The following ASTN1 variants were observed in gnomAD, a reference collection of about 807,000 sequenced individuals.
ASTN1 encodes the protein astrotactin-1.
A neutral mutation model predicts 140.7 loss-of-function variants in ASTN1; 41 were observed. The observed-to-expected ratio is 0.29, with a 90% CI of 0.23 to 0.38. The LOEUF is 0.38. Among genes scored for constraint, ASTN1 ranks in the 10% least tolerant of loss-of-function variants. The probability of loss-of-function intolerance (pLI) is 1.00; values close to 1 mark genes in which losing one functional copy is unlikely to be tolerated. For synonymous variants in ASTN1, 640 were observed against 652.2 expected (o/e 0.98, Z 0.29); for missense variants, 1,479 against 1,678.8 (o/e 0.88, Z 2.08).
chr1:177,153,460 A>T (rs1683123503), intron 1 of ASTN1, among the ~76,000 whole-genome samples: 1 of 152,182 alleles, frequency 6.6e-6, no homozygotes, highest in Admixed American at 6.5e-5. Context: ...AAATGGATGA[A>T]GACACCAGCT....
intron 8 of ASTN1, among the ~76,000 whole-genome samples, chr1:176,997,693 C>A (rs1041697714): frequency 2.6e-5 from 4 of 152,054 alleles, no homozygotes; most frequent in Admixed American, 1.3e-4. Context: ...TAAGCCCTTG[C>A]TCCAAAGTTA....
At chr1:177,089,439 AAG>A (rs959935688) in intron 1 of ASTN1, among the ~76,000 whole-genome samples, 28 of 152,176 alleles carry the variant, frequency 1.8e-4, no homozygotes, top group African/African-American at 4.8e-4. Context: ...GAAATAGAAA[AAG>A]AGAGAGAGAG....
intron 1 of ASTN1, among the ~76,000 whole-genome samples, chr1:177,071,778 A>G (rs776207883): frequency 1.1e-4 from 17 of 152,262 alleles, no homozygotes; most frequent in Non-Finnish European, 1.8e-4. Context: ...AATTGCCATA[A>G]TGGGGGCTGG....
chr1:176,890,204 T>C (rs1219129729), intron 17 of ASTN1, among the ~76,000 whole-genome samples: 1 of 152,182 alleles, frequency 6.6e-6, no homozygotes, highest in Admixed American at 6.5e-5. Flanking sequence ...CACCTGTGGT[T>C]AGAACCTCAA....
intron 21 of ASTN1, among the ~76,000 whole-genome samples, chr1:176,869,706 C>G (rs967637510): frequency 2.0e-5 from 3 of 152,136 alleles, no homozygotes; most frequent in African/African-American, 7.2e-5. Context: ...CATGATTGGT[C>G]TGAGTGTGTT....
At chr1:176,957,999 C>A (rs1672489068) in intron 10 of ASTN1, among the ~76,000 whole-genome samples, 171 bp from the exon 11 acceptor site, 1 of 152,194 alleles carries the variant, frequency 6.6e-6, no homozygotes, top group African/African-American at 2.4e-5. Context: ...GATGGGCATT[C>A]TCCGTATCTA....
chr1:176,952,928 A>G (rs527859692), intron 11 of ASTN1, among the ~76,000 whole-genome samples: 71 of 152,320 alleles, frequency 4.7e-4, no homozygotes, highest in African/African-American at 1.6e-3. Context: ...TATAAACTAC[A>G]GGCTTAAGAA....
At chr1:177,045,423 A>G (rs563761079) in intron 2 of ASTN1, among the ~76,000 whole-genome samples, 24 of 152,326 alleles carry the variant, frequency 1.6e-4, no homozygotes, top group African/African-American at 5.3e-4. Flanking sequence ...TTACGTTCAC[A>G]CTATTGGTCA....
chr1:177,022,223 A>G (rs574268449), intron 7 of ASTN1, among the ~76,000 whole-genome samples: 14 of 152,250 alleles, frequency 9.2e-5, no homozygotes, highest in Admixed American at 3.3e-4. Context: ...GCACCTGAAG[A>G]AGATGCGAGT....
Position 177,150,033 on chromosome 1 carries a change from T to C in ASTN1, c.283+14361A>G, listed in dbSNP as rs1682959359. Among the ~76,000 whole-genome samples the C allele has an allele frequency of 2.6e-5, 4 of 151,714 alleles. No homozygotes were observed. In the South Asian group the frequency reaches 6.2e-4, roughly 24 times the overall value. ...CTACTTAGAAGTTGCTCAAAATACA[T>C]TGGAAATTGGAGGCAAGAAAGTAAG... On this transcript the variant is annotated intron_variant, in intron 1 of 22. Transcript: ENST00000361833.
At chr1:176,932,802 G>A (rs535214818) in intron 16 of ASTN1, among the ~76,000 whole-genome samples, 6 of 152,182 alleles carry the variant, frequency 3.9e-5, no homozygotes, top group Admixed American at 6.5e-5. Flanking sequence ...GGAGCTCTTG[G>A]TAGGGTCAGA....
At chr1:177,041,252 T>C (rs1676956270) in intron 2 of ASTN1, among the ~76,000 whole-genome samples, 3 of 152,174 alleles carry the variant, frequency 2.0e-5, no homozygotes, top group Admixed American at 2.0e-4. Flanking sequence ...CCTCTGGATG[T>C]AGACGTAATA....
chr1:177,024,699 G>A lies in ASTN1; in HGVS notation c.1154C>T (p.Thr385Ile), dbSNP rs1676013054. Residue 385 changes from threonine to isoleucine, a missense_variant, in exon 6 of 23, where the codon ACC (threonine) becomes ATC (isoleucine). Around this residue, in one of 3 missense-constraint regions of ASTN1, gnomAD observed 729 missense variants for 860.4 expected, o/e 0.85. Transcript: ENST00000361833. ...GCTGGTGATGCTGATCAGGGTCAAG[G>A]TGGTCTTATTCACAGGACTTCGGGG... ...GSPRSPVNKT[T>I]LTLISITSCV... 1 of 1,614,126 alleles carries A rather than the reference G, an allele frequency of 6.2e-7. No homozygotes were observed. The highest frequency in any genetic ancestry group is 2.2e-5 in the East Asian group (1 of 44,860).
intron 8 of ASTN1, among the ~76,000 whole-genome samples, chr1:176,977,912 G>A (rs1044782376): frequency 1.3e-5 from 2 of 152,180 alleles, no homozygotes; most frequent in African/African-American, 4.8e-5. Context: ...TAATGACTTG[G>A]GGTGACATCC....
At position 176,884,454 on chromosome 1, in the gene ASTN1, A is replaced by T. The variant is rs754705091; in HGVS notation, c.3111T>A (p.Thr1037=). Residue 1037 remains threonine, a synonymous_variant, in exon 19 of 23, where the codon ACT becomes ACA. Coordinates refer to ENST00000361833, the MANE Select transcript of ASTN1 (RefSeq NM_004319.3). ...AGTGTTCCCACTCCAGGACCACAAG[A>T]GTGCTGCTGGGCTCGTGAACCGTGG... The part of the protein sequence containing the change: ...RLSTVHEPSS[T]LVVLEWEHSE... The T allele has an allele frequency of 6.2e-7, 1 of 1,613,862 alleles. No homozygotes were observed.
intron 7 of ASTN1, among the ~76,000 whole-genome samples, chr1:177,019,389 C>A (rs1422449044): frequency 1.3e-5 from 2 of 152,182 alleles, no homozygotes; most frequent in African/African-American, 4.8e-5. Context: ...CCTGGAAGGG[C>A]ACACAGTAGG....
At chr1:176,999,486 T>G (rs1254658241) in intron 8 of ASTN1, among the ~76,000 whole-genome samples, 7 of 152,224 alleles carry the variant, frequency 4.6e-5, no homozygotes, top group Non-Finnish European at 5.9e-5. Context: ...TGATCATCAG[T>G]ATACTTGATG....
At chr1:177,088,774 T>C (rs941508502) in intron 1 of ASTN1, among the ~76,000 whole-genome samples, 34 of 152,324 alleles carry the variant, frequency 2.2e-4, no homozygotes, top group Middle Eastern at 6.8e-3. Flanking sequence ...GCTTGAAACA[T>C]ATCTTTACAG....
At chr1:177,028,658 C>T (rs1676258449) in intron 5 of ASTN1, among the ~76,000 whole-genome samples, 1 of 152,164 alleles carries the variant, frequency 6.6e-6, no homozygotes, top group Admixed American at 6.5e-5. Flanking sequence ...GGGACGCTGC[C>T]TAAAATTCTT....
Sources: allele counts gnomAD v4.1 joint callset (sites outside exome capture counted in the v4.1 genomes callset), GRCh38; gene constraint gnomAD v4.1.1; regional missense constraint gnomAD v4.1.1; transcripts MANE v1.5; gene names NCBI Gene and HGNC (gene_info 2026-07-23, HGNC 2026-07-21).